Variants in LRP6 observed in about 807,000 individuals in gnomAD.
LRP6 encodes low-density lipoprotein receptor-related protein 6.
In LRP6, 43 loss-of-function variants were observed where a neutral mutation model predicts 184.1. The ratio of observed to expected loss-of-function variants is 0.23; its 90% CI spans 0.18 to 0.30. The LOEUF is 0.30. Among genes scored for constraint, LRP6 ranks in the 10% least tolerant of loss-of-function variants. LRP6 has a pLI of 1.00. For missense variants in LRP6, 1,571 were observed against 2,005.3 expected, an observed-to-expected ratio of 0.78 and a Z score of 4.14; for synonymous variants, 719 against 684.9, an observed-to-expected ratio of 1.05 and a Z score of -0.78.
chr12:12,266,634 C>T lies in LRP6; in HGVS notation c.55+47G>A, dbSNP rs866420805. On this transcript the variant is annotated intron_variant, in intron 1 of 22. Transcript: ENST00000261349. ...CCCCTAGACACATACAACAAGGCCA[C>T]CTCCCCCCGAACCCCACCAACTTTC... 37 of 1,542,188 alleles carry T rather than the reference C, an allele frequency of 2.4e-5. 1 individual carries two copies. The Middle Eastern group carries it at 5.0e-4, about 21-fold the overall frequency.
chr12:12,189,073 C>T (rs1379839625), intron 3 of LRP6, among the ~76,000 whole-genome samples: 2 of 152,166 alleles, frequency 1.3e-5, no homozygotes, highest in African/African-American at 4.8e-5. Flanking sequence ...AGTTGAAATT[C>T]ACTCTACTGA....
chr12:12,203,162 C>CG, intron 3 of LRP6, 41 bp downstream of exon 3: 1 of 1,436,144 alleles, frequency 7.0e-7, no homozygotes, highest in Non-Finnish European at 9.5e-7. Context: ...AAGGCTTCAT[C>CG]GAGTTTTCTT....
chr12:12,203,186 A>T lies in LRP6; in HGVS notation c.647+17T>A. ...TCGAGTTTTCTTAAAAGTTTTTTCTAATTCTTGTAATCTTACCGATTTGTT... is the reference window on the plus strand; with the variant it reads ...TCGAGTTTTCTTAAAAGTTTTTTCTTATTCTTGTAATCTTACCGATTTGTT... On this transcript the variant is annotated intron_variant, in intron 3 of 22. Coordinates refer to ENST00000261349, the MANE Select transcript of LRP6 (RefSeq NM_002336.3). 1.3e-6 allele frequency: 2 copies of T among 1,567,568 alleles called. No homozygotes were observed. Among genetic ancestry groups the T allele is most frequent in the African/African-American group, 1.4e-5 (1 of 72,628 alleles).
intron 17 of LRP6, 130 bp from the exon 18 acceptor site, chr12:12,132,187 A>G (rs542120783): frequency 1.4e-6 from 1 of 712,530 alleles, no homozygotes; most frequent in Non-Finnish European, 2.6e-6. Context: ...AATATGATTT[A>G]TAACTATCTC....
chr12:12,124,609 T>G lies in LRP6; in HGVS notation c.4503A>C (p.Glu1501Asp). ...AAGGACTGTTTGAAGAATATCCAAA[T>G]TCCATAGTGTAATGTGATCGCTCTG... is the stretch of plus-strand genomic sequence containing the variant. Reference protein sequence around the residue: ...PATERSHYTMEFGYSSNSPST... With the variant: ...PATERSHYTMDFGYSSNSPST... The change falls in exon 22 of 23, where the codon GAA (glutamate) becomes GAC (aspartate). Residue 1501 changes from glutamate to aspartate, a missense_variant. Glu to Asp is a conservative substitution (Grantham distance 45). Around this residue, in one of 4 missense-constraint regions of LRP6, gnomAD observed 763 missense variants for 859.5 expected, o/e 0.89. Coordinates refer to ENST00000261349, the MANE Select transcript of LRP6 (RefSeq NM_002336.3). The G allele has an allele frequency of 6.2e-7, 1 of 1,613,918 alleles. No individual in the cohort carries two copies. Among genetic ancestry groups the G allele is most frequent in the South Asian group, 1.1e-5 (1 of 91,074 alleles).
At chr12:12,199,279 A>T (rs765710438) in intron 3 of LRP6, among the ~76,000 whole-genome samples, 1 of 152,220 alleles carries the variant, frequency 6.6e-6, no homozygotes, top group Non-Finnish European at 1.5e-5. Flanking sequence ...GACCACCAGC[A>T]TTCAAAAGCA....
chr12:12,126,959 A>C, intron 19 of LRP6, 38 bp from the exon 20 acceptor site: 1 of 1,501,942 alleles, frequency 6.7e-7, no homozygotes, highest in Non-Finnish European at 9.3e-7. Flanking sequence ...TTAATAGAAA[A>C]ACAACTGTAT....
chr12:12,265,671 T>C (rs1051567744), intron 1 of LRP6, among the ~76,000 whole-genome samples: 1 of 152,152 alleles, frequency 6.6e-6, no homozygotes, highest in African/African-American at 2.4e-5. Flanking sequence ...GTACTTAAAT[T>C]CCTCTGCTGG....
chr12:12,222,223 C>A (rs1156506488), intron 2 of LRP6, among the ~76,000 whole-genome samples: 4 of 152,110 alleles, frequency 2.6e-5, no homozygotes, highest in Non-Finnish European at 5.9e-5. Context: ...ACCTTTCAAG[C>A]TTTTGGCACC....
At chr12:12,261,565 T>A (rs938851458) in intron 1 of LRP6, among the ~76,000 whole-genome samples, 2 of 152,168 alleles carry the variant, frequency 1.3e-5, no homozygotes, top group Admixed American at 1.3e-4. Flanking sequence ...AAATTAACTA[T>A]ATGAAACTGT....
intron 4 of LRP6, 159 bp downstream of exon 4, chr12:12,186,764 T>C (rs1863486403): frequency 1.4e-6 from 1 of 698,842 alleles, no homozygotes; most frequent in Non-Finnish European, 2.5e-6. Flanking sequence ...GTTCAAGTGA[T>C]TCTCTTGCCT....
intron 1 of LRP6, among the ~76,000 whole-genome samples, chr12:12,248,326 A>AAATCTT (rs1257922673): frequency 6.6e-6 from 1 of 152,086 alleles, no homozygotes; most frequent in African/African-American, 2.4e-5. Context: ...ACTAACTGCA[A>AAATCTT]AATCTTATAA....
chr12:12,162,504 G>A (rs1405821665), intron 9 of LRP6, 85 bp from the exon 10 acceptor site: 1 of 1,114,242 alleles, frequency 9.0e-7, no homozygotes, highest in South Asian at 1.2e-5. Context: ...TTTTGTCAGG[G>A]GCAAGAGGAT....
rs1949873169 is a variant in LRP6, at chr12:12,138,180, A to G, written c.3607+145T>C. On this transcript the variant is annotated intron_variant, in intron 16 of 22. Coordinates refer to ENST00000261349, the MANE Select transcript of LRP6 (RefSeq NM_002336.3). ...AGTGAGACTCCGTCTCCAAAAAAAA[A>G]AAAGCATGGAGAGTTCAAAAAAATG... 4 of 734,066 alleles carry G rather than the reference A, an allele frequency of 5.4e-6. No homozygotes were observed. In the East Asian group the frequency reaches 1.1e-4, roughly 20 times the overall value. The allele number at this position is 734,066 out of a possible 1,614,324, so 45.5% of individuals were successfully genotyped here.
At chr12:12,196,628 T>C (rs1863770335) in intron 3 of LRP6, among the ~76,000 whole-genome samples, 2 of 152,098 alleles carry the variant, frequency 1.3e-5, no homozygotes, top group Non-Finnish European at 1.5e-5. Flanking sequence ...TCTCTTTTCC[T>C]GTCTGTCTCT....
At chr12:12,199,821 G>A (rs115860758) in intron 3 of LRP6, among the ~76,000 whole-genome samples, 1,642 of 151,786 alleles carry the variant, frequency 0.011, 31 homozygotes, top group African/African-American at 0.036. Context: ...AAAACTAGAT[G>A]GGCGTGGTGG....
chr12:12,208,183 C>T (rs745383472), intron 2 of LRP6, among the ~76,000 whole-genome samples: 6 of 152,170 alleles, frequency 3.9e-5, no homozygotes, highest in South Asian at 2.1e-4. Flanking sequence ...GTACCTACTA[C>T]GTGATCCCAT....
chr12:12,124,287 C>T (rs1047719167), intron 22 of LRP6, among the ~76,000 whole-genome samples: 1 of 152,100 alleles, frequency 6.6e-6, no homozygotes, highest in East Asian at 1.9e-4. Context: ...GCAGGAGAAT[C>T]GCTTGAACCT....
In LRP6 at chr12:12,146,239, G is replaced by C. The variant is rs192799810; in HGVS notation, c.3397+1127C>G. ...CTACAAAGGAAATCACCAGATCAAA[G>C]GGAATGCATATTTTAAATTTTGATT... On this transcript the variant is annotated intron_variant, in intron 15 of 22. Transcript: ENST00000261349. Among the ~76,000 whole-genome samples, 34 of 152,256 alleles carry C rather than the reference G, an allele frequency of 2.2e-4. 1 individual carries two copies. Among genetic ancestry groups the C allele is most frequent in the Admixed American group, 2.0e-3 (30 of 15,292 alleles).
Sources: allele counts gnomAD v4.1 joint callset (sites outside exome capture counted in the v4.1 genomes callset), GRCh38; gene constraint gnomAD v4.1.1; regional missense constraint gnomAD v4.1.1; transcripts MANE v1.5; gene names NCBI Gene and HGNC (gene_info 2026-07-23, HGNC 2026-07-21).